TRPC1: variants seen among roughly 807,000 people sequenced by gnomAD.
TRPC1 encodes the protein transient receptor potential cation channel subfamily C member 1, also known as short transient receptor potential channel 1.
Under a neutral mutation model 88.2 loss-of-function variants are expected in TRPC1, and 42 were observed. That is an observed-to-expected ratio of 0.48 (90% CI 0.37 to 0.62). The LOEUF is 0.62. Ranked by LOEUF, TRPC1 falls within the 20% of genes least tolerant of loss-of-function variation. The pLI is 0.00. For missense variants in TRPC1, 699 were observed against 957.3 expected (o/e 0.73, Z 3.56); for synonymous variants, 288 against 331.8 (o/e 0.87, Z 1.43).
chr3:142,799,911 G>A (rs1354334718), intron 9 of TRPC1, among the ~76,000 whole-genome samples: 1 of 152,026 alleles, frequency 6.6e-6, no homozygotes, highest in East Asian at 1.9e-4. Context: ...TTAAAACTTA[G>A]GTTAAATTAA....
intron 4 of TRPC1, among the ~76,000 whole-genome samples, chr3:142,763,959 A>AATATATATATATAT (rs1159520441): frequency 0.018 from 1,401 of 76,204 alleles, 46 homozygotes; most frequent in Non-Finnish European, 0.023. Context: ...AAAAAAAAGA[A>AATATATATATATAT]ATATATATAT....
intron 4 of TRPC1, among the ~76,000 whole-genome samples, chr3:142,775,976 A>G (rs909708002): frequency 6.6e-6 from 1 of 152,198 alleles, no homozygotes; most frequent in African/African-American, 2.4e-5. Context: ...TAGAAATTGA[A>G]AGTACACAAA....
intron 4 of TRPC1, among the ~76,000 whole-genome samples, chr3:142,763,992 A>T (rs1281142276): frequency 3.1e-5 from 2 of 64,996 alleles, no homozygotes; most frequent in Non-Finnish European, 2.6e-5. Context: ...ATACACATAC[A>T]TACATACATA....
chr3:142,782,726 G>T (rs367722363), intron 6 of TRPC1, among the ~76,000 whole-genome samples: 2 of 152,182 alleles, frequency 1.3e-5, no homozygotes, highest in African/African-American at 4.8e-5. Context: ...TCCACAGAAG[G>T]TGGGGCTCCT....
chr3:142,803,149 CAAAT>C (rs1488644943), intron 10 of TRPC1, among the ~76,000 whole-genome samples: 2 of 152,060 alleles, frequency 1.3e-5, no homozygotes, highest in African/African-American at 2.4e-5. Flanking sequence ...GCTACAAAGA[CAAAT>C]AAAGCATGAG....
intron 2 of TRPC1, among the ~76,000 whole-genome samples, chr3:142,742,505 C>T (rs998075850): frequency 6.6e-6 from 1 of 151,956 alleles, no homozygotes; most frequent in Non-Finnish European, 1.5e-5. Context: ...ACTTTTAGTT[C>T]TATTTTTTAC....
In TRPC1 at chr3:142,781,334, TA is replaced by T. The variant is rs1935952562; in HGVS notation, c.960+308del. On this transcript the variant is annotated intron_variant, in intron 6 of 12. Coordinates refer to ENST00000476941, the MANE Select transcript of TRPC1 (RefSeq NM_001251845.2). ...ATGGATGTTGATTTAATGTTTTTGC[TA>T]AATAGTTGCTACACAGGTAAGATCC... Among the ~76,000 whole-genome samples, 4 of 152,202 alleles carry T rather than the reference TA, an allele frequency of 2.6e-5. No homozygotes were observed. In the South Asian group the frequency reaches 8.3e-4, roughly 32 times the overall value.
chr3:142,728,810 T>C (rs1933785230), intron 1 of TRPC1, among the ~76,000 whole-genome samples: 1 of 152,192 alleles, frequency 6.6e-6, no homozygotes, highest in Non-Finnish European at 1.5e-5. Flanking sequence ...TTTTTACTTA[T>C]TTGAGAAGAG....
intron 10 of TRPC1, 148 bp downstream of exon 10, chr3:142,802,492 C>T (rs982367101): frequency 5.5e-6 from 3 of 547,956 alleles, no homozygotes; most frequent in Non-Finnish European, 8.4e-6. Context: ...ACTTATTTTT[C>T]ATGAATCACT....
chr3:142,764,959 T>C (rs900660703), intron 4 of TRPC1, among the ~76,000 whole-genome samples: 5 of 152,112 alleles, frequency 3.3e-5, no homozygotes, highest in African/African-American at 1.2e-4. Flanking sequence ...TTCTTTTGTC[T>C]TTTTTCTCCG....
At position 142,807,506 on chromosome 3, in the gene TRPC1, T is replaced by A. The variant is rs562188377; in HGVS notation, c.*1271T>A. On this transcript the variant is annotated 3_prime_UTR_variant, in exon 13 of 13. Transcript: ENST00000476941. ...TTCTTAACCGAATGTCAGATGGTCT[T>A]ACGCCACAGGGTGCAGGTAACCCTT... 6.6e-6 allele frequency: 1 copy of A among 152,364 alleles called. No individual in the cohort carries two copies. The highest frequency in any genetic ancestry group is 1.9e-4 in the East Asian group (1 of 5,192). 9.4% of individuals were successfully genotyped at this position (152,364 alleles called of 1,614,324 possible).
intron 4 of TRPC1, among the ~76,000 whole-genome samples, chr3:142,775,496 G>A (rs1935737592): frequency 6.6e-6 from 1 of 152,150 alleles, no homozygotes; most frequent in Non-Finnish European, 1.5e-5. Context: ...GCACGCACCT[G>A]TAATCCCAGC....
intron 4 of TRPC1, among the ~76,000 whole-genome samples, chr3:142,775,217 G>C (rs1245337336): frequency 6.6e-6 from 1 of 152,040 alleles, no homozygotes; most frequent in African/African-American, 2.4e-5. Flanking sequence ...TTGTATCTAA[G>C]TAAGACATTA....
At chr3:142,749,945 G>A (rs761291003) in intron 4 of TRPC1, among the ~76,000 whole-genome samples, 10 of 152,130 alleles carry the variant, frequency 6.6e-5, no homozygotes, top group African/African-American at 9.7e-5. Context: ...AGACTTAAAC[G>A]TAAGACTTAA....
intron 1 of TRPC1, among the ~76,000 whole-genome samples, chr3:142,735,916 A>G (rs908325240): frequency 2.0e-5 from 3 of 152,150 alleles, no homozygotes; most frequent in Non-Finnish European, 4.4e-5. Context: ...ACCTCTTTAT[A>G]ATATCCTCTG....
In TRPC1 at chr3:142,803,144, A is replaced by G. The variant is rs143790269; in HGVS notation, c.1757+800A>G. Among the ~76,000 whole-genome samples, 1,285 of 152,330 alleles carry G rather than the reference A, an allele frequency of 8.4e-3. 9 individuals are homozygous for G. Among genetic ancestry groups the G allele is most frequent in the Non-Finnish European group, 0.014 (964 of 68,020 alleles). The stretch of plus-strand genomic sequence containing the variant: ...TATGTTACACAGTGGTCAGGGCTAC[A>G]AAGACAAATAAAGCATGAGCAAAAG... On this transcript the variant is annotated intron_variant, in intron 10 of 12. Coordinates refer to ENST00000476941, the MANE Select transcript of TRPC1 (RefSeq NM_001251845.2).
chr3:142,804,034 A>C lies in TRPC1; in HGVS notation c.1815A>C (p.Ala605=). Residue 605 remains alanine, a synonymous_variant, in exon 11 of 13, where the codon GCA becomes GCC. Transcript: ENST00000476941. ...FWYIFSLAHV[A]IFVTRFSYGE... ...ATATTTTCTCCTTAGCGCATGTGGCAATCTTTGTCACAAGATTTAGCTATG... is the reference window on the plus strand; with the variant it reads ...ATATTTTCTCCTTAGCGCATGTGGCCATCTTTGTCACAAGATTTAGCTATG... 1 of 1,613,786 alleles carries C rather than the reference A, an allele frequency of 6.2e-7. No individual in the cohort carries two copies. Among genetic ancestry groups the C allele is most frequent in the Admixed American group, 1.7e-5 (1 of 59,952 alleles).
chr3:142,769,997 G>T (rs1252143741), intron 4 of TRPC1, among the ~76,000 whole-genome samples: 2 of 147,958 alleles, frequency 1.4e-5, no homozygotes, highest in African/African-American at 2.5e-5. Context: ...AACTGTTGTT[G>T]TTCATTATCT....
chr3:142,730,467 C>G (rs978341820), intron 1 of TRPC1, among the ~76,000 whole-genome samples: 4 of 151,978 alleles, frequency 2.6e-5, no homozygotes, highest in African/African-American at 7.2e-5. Flanking sequence ...TTTAGCCTAC[C>G]ATGTTTTTTA....
Sources: gnomAD v4.1 joint callset for allele counts (sites outside exome capture counted in the v4.1 genomes callset) on GRCh38, gnomAD v4.1.1 for gene constraint, MANE v1.5 for transcripts, NCBI Gene and HGNC (gene_info 2026-07-23, HGNC 2026-07-21) for gene names.